Variants in QTRT1 observed in about 807,000 individuals in gnomAD.
The protein encoded by QTRT1 is TGT, 43-KD subunit.
A neutral mutation model predicts 44.0 loss-of-function variants in QTRT1; 41 were observed. The observed-to-expected ratio is 0.93, with a 90% CI of 0.73 to 1.21. The LOEUF is 1.21. Among genes scored for constraint, QTRT1 ranks in the 50% most tolerant of loss-of-function variants. The pLI, the probability that QTRT1 is intolerant of heterozygous loss-of-function variation, is 0.00. For synonymous variants in QTRT1, 226 were observed against 237.1 expected, an observed-to-expected ratio of 0.95 and a Z score of 0.43; for missense variants, 542 against 575.8, an observed-to-expected ratio of 0.94 and a Z score of 0.60.
rs533239108 is a variant in QTRT1 at position 10,712,976 on chromosome 19, C to A, written c.995C>A (p.Ala332Glu). Residue 332 changes from alanine (A) to glutamate (E), a missense_variant, in exon 9 of 10, where the codon GCA becomes GAA. Transcript: ENST00000250237. This position sits in a 1 kb window ranked among gnomAD's most constrained non-coding sequence, Gnocchi z 5.6. ...CQKHSRAFLH[A>E]LLHSDNTAAL... ...AGGCACAGCCGCGCCTTCCTGCACG[C>A]ACTGCTGCACAGTGACAACACGGCC... is the stretch of plus-strand genomic sequence containing the variant. 4.3e-6 allele frequency: 7 copies of A among 1,612,860 alleles called. No homozygotes were observed. The African/African-American group carries it at 8.0e-5, about 18-fold the overall frequency.
At chr19:10,702,894 C>G (rs370903259) in intron 3 of QTRT1, among the ~76,000 whole-genome samples, 1 of 147,532 alleles carries the variant, frequency 6.8e-6, no homozygotes, top group Non-Finnish European at 1.5e-5. Context: ...CTCAGCCTCC[C>G]GAGTAGCTGG....
chr19:10,701,706 G>T lies in QTRT1; in HGVS notation c.243+3G>T. ...CCTACCATCTGGGTCTAAGGCCGGT[G>T]GGTGGGCTCTGCCCGCGCGGGGAGG... On this transcript the variant is annotated splice_donor_region_variant and intron_variant, in intron 1 of 9. Coordinates refer to ENST00000250237, the MANE Select transcript of QTRT1 (RefSeq NM_031209.3). The T allele has an allele frequency of 6.4e-7, 1 of 1,573,722 alleles. No individual in the cohort carries two copies. The highest frequency in any genetic ancestry group is 2.3e-5 in the East Asian group (1 of 42,650).
At position 10,712,983 on chromosome 19, in the gene QTRT1, G is replaced by A. The variant is rs1196642837; in HGVS notation, c.1002G>A (p.Leu334=). Residue 334 remains leucine, a synonymous_variant, in exon 9 of 10, where the codon CTG becomes CTA. Transcript: ENST00000250237. This position sits in a 1 kb window ranked among gnomAD's most constrained non-coding sequence, Gnocchi z 5.6. Reference sequence around the variant, plus strand: ...GCCGCGCCTTCCTGCACGCACTGCTGCACAGTGACAACACGGCCGCGCTGC... The same window carrying A: ...GCCGCGCCTTCCTGCACGCACTGCTACACAGTGACAACACGGCCGCGCTGC... ...KHSRAFLHAL[L]HSDNTAALHH... 2 of 1,612,676 alleles carry A rather than the reference G, an allele frequency of 1.2e-6. No individual in the cohort carries two copies. The highest frequency in any genetic ancestry group is 1.7e-6 in the Non-Finnish European group (2 of 1,179,934).
At chr19:10,711,077 C>G (rs905087152) in intron 5 of QTRT1, 1 of 152,280 alleles carries the variant, frequency 6.6e-6, no homozygotes, top group Non-Finnish European at 1.5e-5. Flanking sequence ...TCCTAATGCT[C>G]TCACTCCCCT....
In QTRT1 at chr19:10,712,220, AAGTCGC is replaced by A; in HGVS notation, c.710_715del (p.Ser237_Gln238del). On this transcript the variant is annotated inframe_deletion, in exon 6 of 10. Coordinates refer to ENST00000250237, the MANE Select transcript of QTRT1 (RefSeq NM_031209.3). This position sits in a 1 kb window ranked among gnomAD's most constrained non-coding sequence, Gnocchi z 5.6. ...CGGGGGCCTGAGCGGGGGTGAGAGC[AAGTCGC>A]AGTTCTGGCGGATGGTGGCGCTGAG... 1 of 1,614,056 alleles carries A rather than the reference AAGTCGC, an allele frequency of 6.2e-7. No individual in the cohort carries two copies. The highest frequency in any genetic ancestry group is 1.3e-5 in the African/African-American group (1 of 75,066).
At chr19:10,703,434 T>C (rs768547757) in intron 3 of QTRT1, among the ~76,000 whole-genome samples, 8 of 152,104 alleles carry the variant, frequency 5.3e-5, no homozygotes, top group Non-Finnish European at 1.2e-4. Flanking sequence ...ATCATTCTAA[T>C]AGATTGATGC....
At position 10,712,201 on chromosome 19, in the gene QTRT1, C is replaced by A; in HGVS notation, c.687C>A (p.Gly229=). Residue 229 remains glycine (G), a synonymous_variant, in exon 6 of 10, where the codon GGC becomes GGA. Coordinates refer to ENST00000250237, the MANE Select transcript of QTRT1 (RefSeq NM_031209.3). The surrounding 1 kb of genome is among the most constrained non-coding windows in gnomAD (Gnocchi z 5.6). ...KRDVPGFAIG[G]LSGGESKSQF... ...ACGTGCCTGGCTTCGCCATCGGGGG[C>A]CTGAGCGGGGGTGAGAGCAAGTCGC... 1 of 1,613,848 alleles carries A rather than the reference C, an allele frequency of 6.2e-7. No individual in the cohort carries two copies. Among genetic ancestry groups the A allele is most frequent in the Non-Finnish European group, 8.5e-7 (1 of 1,180,044 alleles).
At chr19:10,709,401 G>GAGA (rs2068728707) in intron 5 of QTRT1, 1 of 152,168 alleles carries the variant, frequency 6.6e-6, no homozygotes, top group South Asian at 2.1e-4. Flanking sequence ...GGGTGACATA[G>GAGA]TGAGATCCCA....
intron 5 of QTRT1, among the ~76,000 whole-genome samples, chr19:10,708,049 C>T (rs1035571873): frequency 6.6e-6 from 1 of 151,642 alleles, no homozygotes; most frequent in Non-Finnish European, 1.5e-5. Context: ...CCTGCAACCT[C>T]CGCCTCCCGG....
Position 10,707,609 on chromosome 19 carries a change from C to T in QTRT1, c.640C>T (p.Leu214Phe). 1 of 1,601,664 alleles carries T rather than the reference C, an allele frequency of 6.2e-7. No individual in the cohort carries two copies. Among genetic ancestry groups the T allele is most frequent in the South Asian group, 1.1e-5 (1 of 90,048 alleles). Residue 214 changes from leucine (L) to phenylalanine (F), a missense_variant, in exon 5 of 10, where the codon CTT (leucine) becomes TTT (phenylalanine). Physicochemically the swap from Leu to Phe is conservative, Grantham distance 22. Coordinates refer to ENST00000250237, the MANE Select transcript of QTRT1 (RefSeq NM_031209.3). ...GLDADLRATC[L>F]EEMTKRDVPG... ...GGACGCAGATCTCCGGGCCACCTGC[C>T]TTGAAGGTAGAGCCATGCGCTGGCA...
Position 10,702,017 on chromosome 19 carries a change from C to G in QTRT1, c.311C>G (p.Thr104Arg). 2 of 1,614,198 alleles carry G rather than the reference C, an allele frequency of 1.2e-6. No homozygotes were observed. The highest frequency in any genetic ancestry group is 1.7e-6 in the Non-Finnish European group (2 of 1,180,026). ...GFMNWPHNLLTDSGGFQMVSL... is the reference protein window; with the variant it reads ...GFMNWPHNLLRDSGGFQMVSL... ...ATGAATTGGCCTCATAATCTGCTAA[C>G]GGTGAGCTGAGGAGAGAGCCGACGT... The change falls in exon 2 of 10, where the codon ACG (threonine) becomes AGG (arginine). Residue 104 changes from threonine to arginine, a missense_variant and splice_region_variant. By Grantham distance (71) the Thr-to-Arg change is moderately conservative. Transcript: ENST00000250237.
intron 3 of QTRT1, among the ~76,000 whole-genome samples, chr19:10,705,900 G>A (rs1599394071): frequency 8.4e-6 from 1 of 119,096 alleles, no homozygotes; most frequent in Non-Finnish European, 1.6e-5. Flanking sequence ...CTGTCACTCA[G>A]GCTGGAGTGT....
Position 10,712,529 on chromosome 19 carries a change from C to G in QTRT1, c.786-24C>G. 6.2e-7 allele frequency: 1 copy of G among 1,608,794 alleles called. No homozygotes were observed. Among genetic ancestry groups the G allele is most frequent in the South Asian group, 1.1e-5 (1 of 90,982 alleles). On this transcript the variant is annotated intron_variant, in intron 6 of 9. Transcript: ENST00000250237. The surrounding 1 kb of genome is among the most constrained non-coding windows in gnomAD (Gnocchi z 5.6). ...GGAAGCCCCTGAGGTTCTCTGCCCCCTCCCGTCATGGCTGCAACCCCAGCT... is the reference window on the plus strand; with the variant it reads ...GGAAGCCCCTGAGGTTCTCTGCCCCGTCCCGTCATGGCTGCAACCCCAGCT...
intron 1 of QTRT1, 76 bp downstream of exon 1, chr19:10,701,779 G>A (rs899372978): frequency 7.1e-6 from 11 of 1,559,154 alleles, no homozygotes; most frequent in African/African-American, 4.1e-5. Flanking sequence ...CTCCAGGCCC[G>A]GACACTCCTC....
intron 5 of QTRT1, among the ~76,000 whole-genome samples, chr19:10,708,130 A>G (rs903650095): frequency 6.6e-6 from 1 of 151,472 alleles, no homozygotes; most frequent in Non-Finnish European, 1.5e-5. Context: ...AGGCCCGGCT[A>G]ATTTTTGTAT....
intron 5 of QTRT1, among the ~76,000 whole-genome samples, chr19:10,708,295 T>C (rs2068723901): frequency 6.6e-6 from 1 of 152,272 alleles, no homozygotes; most frequent in African/African-American, 2.4e-5. Flanking sequence ...GGTCTTACTC[T>C]GTTGCTCCTC....
Position 10,712,642 on chromosome 19 carries a change from A to G in QTRT1, c.861+14A>G. 1 of 1,569,988 alleles carries G rather than the reference A, an allele frequency of 6.4e-7. No individual in the cohort carries two copies. The highest frequency in any genetic ancestry group is 1.4e-5 in the African/African-American group (1 of 69,270). On this transcript the variant is annotated intron_variant, in intron 7 of 9. Coordinates refer to ENST00000250237, the MANE Select transcript of QTRT1 (RefSeq NM_031209.3). This position sits in a 1 kb window ranked among gnomAD's most constrained non-coding sequence, Gnocchi z 5.6. ...ACACGGACAGCGGTGAGGCTCTGGC[A>G]GAAGGAGGTCAGGGCGGGAGACGGG...
rs2068719924 is a variant in QTRT1 at position 10,707,572 on chromosome 19, C to T, written c.603C>T (p.Ile201=). The T allele has an allele frequency of 2.5e-6, 4 of 1,611,868 alleles. No individual in the cohort carries two copies. In the East Asian group the frequency reaches 8.9e-5, roughly 36 times the overall value. ...ACAAGCAGAACCTCTTCGCCATTAT[C>T]CAGGGTGGGCTGGACGCAGATCTCC... ...RPDKQNLFAI[I]QGGLDADLRA... The change falls in exon 5 of 10, where the codon ATC becomes ATT. Residue 201 remains isoleucine (I), a synonymous_variant. Transcript: ENST00000250237.
intron 3 of QTRT1, among the ~76,000 whole-genome samples, chr19:10,704,067 G>A (rs113207017): frequency 1.3e-5 from 2 of 151,672 alleles, no homozygotes; most frequent in African/African-American, 4.8e-5. Flanking sequence ...GGCTGGTCTT[G>A]AACTCCTGAC....
Sources: allele counts gnomAD v4.1 joint callset (sites outside exome capture counted in the v4.1 genomes callset), GRCh38; gene constraint gnomAD v4.1.1; non-coding constraint Gnocchi (gnomAD v3.1); transcripts MANE v1.5; gene names NCBI Gene and HGNC (gene_info 2026-07-23, HGNC 2026-07-21).